OSBPL8: variants seen among roughly 807,000 people sequenced by gnomAD.
OSBPL8 encodes the protein oxysterol-binding protein-related protein 8.
A neutral mutation model predicts 125.5 loss-of-function variants in OSBPL8; 59 were observed. The ratio of observed to expected loss-of-function variants is 0.47; its 90% confidence interval spans 0.38 to 0.58. The LOEUF (loss-of-function observed/expected upper bound fraction) is 0.58, where lower values mean the gene tolerates loss of function less well. Among genes scored for constraint, OSBPL8 ranks in the 20% least tolerant of loss-of-function variants. OSBPL8 has a pLI of 0.00. For missense variants in OSBPL8, 758 were observed against 1,047.8 expected (o/e 0.72, Z 3.82); for synonymous variants, 330 against 338.9 (o/e 0.97, Z 0.29).
intron 1 of OSBPL8, among the ~76,000 whole-genome samples, chr12:76,492,615 G>A (rs1457680236): frequency 6.6e-6 from 1 of 152,132 alleles, no homozygotes; most frequent in Non-Finnish European, 1.5e-5. Context: ...ATTCTCATAG[G>A]AGCATGAACA....
At chr12:76,504,545 C>G (rs1880226348) in intron 1 of OSBPL8, among the ~76,000 whole-genome samples, 2 of 152,084 alleles carry the variant, frequency 1.3e-5, no homozygotes, top group South Asian at 4.1e-4. Flanking sequence ...ACTGGCTGTG[C>G]AAAAATTTTA....
At chr12:76,555,376 T>C (rs943873461) in intron 1 of OSBPL8, among the ~76,000 whole-genome samples, 2 of 139,200 alleles carry the variant, frequency 1.4e-5, no homozygotes, top group Non-Finnish European at 2.9e-5. Flanking sequence ...TTAGGCCTCA[T>C]TTCTACCAGA....
rs115151520 is a variant in OSBPL8, at chr12:76,516,694, A to T, written c.-67-29076T>A. Among the ~76,000 whole-genome samples, 500 of 152,342 alleles carry T rather than the reference A, an allele frequency of 3.3e-3. 5 individuals are homozygous for T. Among genetic ancestry groups the T allele is most frequent in the African/African-American group, 0.012 (483 of 41,586 alleles). On this transcript the variant is annotated intron_variant, in intron 1 of 23. Transcript: ENST00000261183. ...AATTAATGAATACCAAGTGAGATTTAAAAAAGGTAAAAACAGACAGCAGAA... is the reference window on the plus strand; with the variant it reads ...AATTAATGAATACCAAGTGAGATTTTAAAAAGGTAAAAACAGACAGCAGAA...
intron 1 of OSBPL8, among the ~76,000 whole-genome samples, chr12:76,544,030 C>T (rs533822097): frequency 1.3e-5 from 2 of 152,234 alleles, no homozygotes; most frequent in African/African-American, 4.8e-5. Flanking sequence ...AGCACCAACA[C>T]GTGGGAAACA....
intron 4 of OSBPL8, among the ~76,000 whole-genome samples, chr12:76,433,811 A>G (rs1232874275): frequency 6.6e-6 from 1 of 151,920 alleles, no homozygotes; most frequent in East Asian, 1.9e-4. Context: ...CATCTCTACT[A>G]AAAATACAAA....
intron 19 of OSBPL8, 149 bp downstream of exon 19, chr12:76,371,299 A>T: frequency 1.2e-6 from 1 of 866,026 alleles, no homozygotes; most frequent in South Asian, 3.6e-5. Flanking sequence ...ATTCATATAC[A>T]CAAAAACAGA....
rs531713988 is a variant in OSBPL8 at position 76,416,864 on chromosome 12, T to TTA, written c.218-6231_218-6230insTA. On this transcript the variant is annotated intron_variant, in intron 4 of 23. Transcript: ENST00000261183. Reference sequence around the variant, plus strand: ...CCTCCCATACTCTATTGTCCTCTACTATCTTGTCTTCTATTTATTATAAAC... The same window carrying TTA: ...CCTCCCATACTCTATTGTCCTCTACTTAATCTTGTCTTCTATTTATTATAAAC... 5.6e-3 allele frequency among the ~76,000 whole-genome samples: 846 copies of TTA among 152,314 alleles called. 7 individuals carry two copies. Among genetic ancestry groups the TTA allele is most frequent in the Non-Finnish European group, 6.9e-3 (468 of 67,978 alleles).
intron 1 of OSBPL8, among the ~76,000 whole-genome samples, chr12:76,491,075 G>A (rs749991185): frequency 6.6e-6 from 1 of 152,156 alleles, no homozygotes; most frequent in Non-Finnish European, 1.5e-5. Context: ...CATTTCCCAC[G>A]TTGTTCACTC....
chr12:76,384,593 T>C (rs1437753578), intron 14 of OSBPL8, among the ~76,000 whole-genome samples: 3 of 152,142 alleles, frequency 2.0e-5, no homozygotes, highest in Non-Finnish European at 4.4e-5. Context: ...CTGAAGTTGG[T>C]TTGTGTGGAA....
intron 4 of OSBPL8, among the ~76,000 whole-genome samples, chr12:76,432,164 G>A (rs1870910849): frequency 6.6e-6 from 1 of 151,998 alleles, no homozygotes; most frequent in East Asian, 1.9e-4. Context: ...CAATCATTAG[G>A]TCAAAAAGGA....
intron 4 of OSBPL8, among the ~76,000 whole-genome samples, chr12:76,420,958 C>T (rs1869399740): frequency 6.6e-6 from 1 of 151,916 alleles, no homozygotes; most frequent in Non-Finnish European, 1.5e-5. Flanking sequence ...ATTTACTTTT[C>T]TATAGAAACA....
chr12:76,483,508 G>A (rs750560912), intron 2 of OSBPL8, among the ~76,000 whole-genome samples: 1 of 151,558 alleles, frequency 6.6e-6, no homozygotes, highest in Non-Finnish European at 1.5e-5. Flanking sequence ...AGGTTCCAGT[G>A]AGCCGAGACC....
intron 4 of OSBPL8, 51 bp from the exon 5 acceptor site, chr12:76,410,685 TA>T (rs1954478520): frequency 1.6e-6 from 2 of 1,246,490 alleles, no homozygotes; most frequent in Non-Finnish European, 2.3e-6. Context: ...ACATGTATAA[TA>T]AGTCATTCAT....
chr12:76,500,167 T>C (rs1395329047), intron 1 of OSBPL8, among the ~76,000 whole-genome samples: 3 of 152,234 alleles, frequency 2.0e-5, no homozygotes, highest in African/African-American at 7.2e-5. Flanking sequence ...TGCCTTGGCA[T>C]TGGAGGGTAA....
intron 19 of OSBPL8, among the ~76,000 whole-genome samples, chr12:76,370,209 G>T (rs1177811906): frequency 6.6e-6 from 1 of 152,148 alleles, no homozygotes; most frequent in Admixed American, 6.5e-5. Context: ...GCTTCATAAA[G>T]ATCCATTAAT....
intron 6 of OSBPL8, 82 bp from the exon 7 acceptor site, chr12:76,400,056 T>A: frequency 4.9e-6 from 5 of 1,019,168 alleles, no homozygotes; most frequent in Non-Finnish European, 7.1e-6. Flanking sequence ...CAAATGCAGG[T>A]TTGTTATATA....
chr12:76,403,563 T>C (rs1262840421), intron 5 of OSBPL8, among the ~76,000 whole-genome samples: 1 of 152,066 alleles, frequency 6.6e-6, no homozygotes, highest in African/African-American at 2.4e-5. Flanking sequence ...TTTACCAGAG[T>C]AGAAAAGCAC....
At chr12:76,395,163 A>T (rs1377712414) in intron 8 of OSBPL8, among the ~76,000 whole-genome samples, 1 of 152,168 alleles carries the variant, frequency 6.6e-6, no homozygotes, top group East Asian at 1.9e-4. Context: ...GGAAAAATAA[A>T]TCTCCACTTT....
chr12:76,379,791 TG>T (rs1176389045), intron 15 of OSBPL8, among the ~76,000 whole-genome samples: 1 of 152,226 alleles, frequency 6.6e-6, no homozygotes, highest in African/African-American at 2.4e-5. Flanking sequence ...TGGATTGTTA[TG>T]AATAATGTTG....
Sources: gnomAD v4.1 joint callset for allele counts (sites outside exome capture counted in the v4.1 genomes callset) on GRCh38, gnomAD v4.1.1 for gene constraint, MANE v1.5 for transcripts, NCBI Gene and HGNC (gene_info 2026-07-23, HGNC 2026-07-21) for gene names.